The following PLCH1 variants were observed in gnomAD, a reference collection of about 807,000 sequenced individuals.
PLCH1 encodes 1-phosphatidylinositol 4,5-bisphosphate phosphodiesterase eta-1.
PLCH1 carries 60 observed loss-of-function variants against 126.7 expected under a neutral mutation model. The ratio of observed to expected loss-of-function variants is 0.47; its 90% CI spans 0.38 to 0.59. The LOEUF (loss-of-function observed/expected upper bound fraction) is 0.59, where lower values mean the gene tolerates loss of function less well. Ranked by LOEUF, PLCH1 falls within the 20% of genes least tolerant of loss-of-function variation. The probability of loss-of-function intolerance (pLI) is 0.00; values close to 1 mark genes in which losing one functional copy is unlikely to be tolerated. For missense variants in PLCH1, 1,723 were observed against 2,040.0 expected (o/e 0.84, Z 2.99); for synonymous variants, 719 against 734.9 (o/e 0.98, Z 0.35).
Position 155,526,369 on chromosome 3 carries a change from A to G in PLCH1, c.1363-2365T>C, listed in dbSNP as rs543265080. Among the ~76,000 whole-genome samples, 6 of 148,816 alleles carry G rather than the reference A, an allele frequency of 4.0e-5. No individual in the cohort carries two copies. In the East Asian group the frequency reaches 1.2e-3, roughly 30 times the overall value. On this transcript the variant is annotated intron_variant, in intron 10 of 22. Coordinates refer to ENST00000460012, the MANE Select transcript of PLCH1 (RefSeq NM_014996.4). ...TCTCCAAACTTCTCTCCTTTCCTGG[A>G]GCTCTCTCTCTCTCTCTCTCTTCTT...
chr3:155,495,602 C>T (rs778402440), intron 15 of PLCH1, among the ~76,000 whole-genome samples: 6 of 152,178 alleles, frequency 3.9e-5, no homozygotes, highest in Non-Finnish European at 7.3e-5. Context: ...TATATGGTCT[C>T]GCTTTGCCAG....
At chr3:155,713,229 C>A (rs1022347272) in intron 1 of PLCH1, among the ~76,000 whole-genome samples, 1 of 152,080 alleles carries the variant, frequency 6.6e-6, no homozygotes, top group Admixed American at 6.6e-5. Flanking sequence ...CCCACATCCA[C>A]CATTCACCCC....
chr3:155,723,453 A>T (rs982990012), intron 1 of PLCH1, among the ~76,000 whole-genome samples: 1 of 149,908 alleles, frequency 6.7e-6, no homozygotes, highest in Admixed American at 6.6e-5. Flanking sequence ...GATCTTCATT[A>T]TTCCTTTTCT....
intron 8 of PLCH1, among the ~76,000 whole-genome samples, chr3:155,560,046 T>A (rs1378326870): frequency 6.6e-6 from 1 of 152,218 alleles, no homozygotes; most frequent in Non-Finnish European, 1.5e-5. Flanking sequence ...GGTAGGATAC[T>A]GATTTTGGAC....
At position 155,637,991 on chromosome 3, in the gene PLCH1, C is replaced by T. The variant is rs150481295; in HGVS notation, c.80-41613G>A. Among the ~76,000 whole-genome samples the T allele has an allele frequency of 6.5e-3, 989 of 152,324 alleles. 16 individuals are homozygous for T. The highest frequency in any genetic ancestry group is 0.022 in the African/African-American group (935 of 41,572). On this transcript the variant is annotated intron_variant, in intron 2 of 22. Transcript: ENST00000460012. ...TCAACAGTTAGGAAGACAGTTTGCA[C>T]ACGATCTGCACATGTTTACCGTCAA...
At chr3:155,716,984 G>A (rs900587277) in intron 1 of PLCH1, among the ~76,000 whole-genome samples, 1 of 152,192 alleles carries the variant, frequency 6.6e-6, no homozygotes. Context: ...AAGTTACAGG[G>A]GTGGTACCAG....
intron 15 of PLCH1, among the ~76,000 whole-genome samples, chr3:155,495,390 G>A (rs899661371): frequency 6.6e-6 from 1 of 152,078 alleles, no homozygotes; most frequent in African/African-American, 2.4e-5. Context: ...CAAAGCCCCC[G>A]CTATTTCCAC....
Position 155,640,947 on chromosome 3 carries a change from C to T in PLCH1, c.80-44569G>A, listed in dbSNP as rs568162691. Among the ~76,000 whole-genome samples the T allele has an allele frequency of 2.0e-5, 3 of 152,272 alleles. No homozygotes were observed. In the East Asian group the frequency reaches 5.8e-4, roughly 29 times the overall value. ...TTCAACGAACGAATTCATAACATAA[C>T]ATTTGTGGTAGCAGATATTTTGCTA... On this transcript the variant is annotated intron_variant, in intron 2 of 22. Transcript: ENST00000460012.
At chr3:155,525,316 G>A (rs1055762052) in intron 10 of PLCH1, among the ~76,000 whole-genome samples, 1 of 152,090 alleles carries the variant, frequency 6.6e-6, no homozygotes, top group Non-Finnish European at 1.5e-5. Flanking sequence ...TGAGGCATTT[G>A]GGAAGTGATT....
chr3:155,542,820 T>C (rs1724552003), intron 10 of PLCH1, among the ~76,000 whole-genome samples: 1 of 152,146 alleles, frequency 6.6e-6, no homozygotes, highest in African/African-American at 2.4e-5. Context: ...GACCTGCAGC[T>C]GAGGGTCCTG....
rs533525218 is a variant in PLCH1 at position 155,596,467 on chromosome 3, T to C, written c.80-89A>G. On this transcript the variant is annotated intron_variant, in intron 2 of 22. Coordinates refer to ENST00000460012, the MANE Select transcript of PLCH1 (RefSeq NM_014996.4). ...TTTAGAGTCAAATAAAACCTCTGAT[T>C]CACCTGCAAAGACTCCAAGGACCAG... 5 of 1,109,220 alleles carry C rather than the reference T, an allele frequency of 4.5e-6. No homozygotes were observed. In the East Asian group the frequency reaches 1.0e-4, roughly 23 times the overall value. 68.7% of individuals were successfully genotyped at this position (1,109,220 alleles called of 1,614,324 possible). A position where few individuals can be genotyped will look rare whatever the true frequency, so the allele number is the denominator to read the frequency against.
chr3:155,487,174 T>C (rs1052702227), intron 21 of PLCH1: 3 of 152,246 alleles, frequency 2.0e-5, no homozygotes, highest in Admixed American at 1.3e-4. Context: ...ATAACATTAA[T>C]ATTAGCCAAC....
chr3:155,530,598 C>T (rs1250108932), intron 10 of PLCH1, among the ~76,000 whole-genome samples: 2 of 119,834 alleles, frequency 1.7e-5, no homozygotes, highest in Non-Finnish European at 3.7e-5. Context: ...TTCTAGTTCT[C>T]TTGTTATTTC....
chr3:155,733,955 A>G (rs941494665), intron 1 of PLCH1, among the ~76,000 whole-genome samples: 41 of 96,140 alleles, frequency 4.3e-4, no homozygotes, highest in African/African-American at 1.5e-3. Flanking sequence ...ATATATATAT[A>G]TATATATATA....
At chr3:155,512,892 T>C (rs1172760966) in intron 12 of PLCH1, among the ~76,000 whole-genome samples, 2 of 152,212 alleles carry the variant, frequency 1.3e-5, no homozygotes, top group Admixed American at 6.5e-5. Context: ...AGCTGAGAGC[T>C]TAGGAACTTG....
At chr3:155,590,406 G>A (rs897594709) in intron 4 of PLCH1, among the ~76,000 whole-genome samples, 2 of 151,992 alleles carry the variant, frequency 1.3e-5, no homozygotes, top group Non-Finnish European at 2.9e-5. Context: ...GTGAAACCCC[G>A]TCTCTACTAA....
At chr3:155,662,296 A>AC (rs1486474055) in intron 2 of PLCH1, among the ~76,000 whole-genome samples, 2 of 151,926 alleles carry the variant, frequency 1.3e-5, no homozygotes, top group Non-Finnish European at 2.9e-5. Flanking sequence ...GCACACACAC[A>AC]AAAAAAATAT....
chr3:155,460,795 TAGATAG>T (rs1712689017), intron 21 of PLCH1, among the ~76,000 whole-genome samples: 1 of 72,470 alleles, frequency 1.4e-5, no homozygotes, highest in Admixed American at 1.5e-4. Flanking sequence ...AGAAGATAGA[TAGATAG>T]ATAGATAGAT....
At chr3:155,546,332 G>A (rs1018333134) in intron 10 of PLCH1, among the ~76,000 whole-genome samples, 18 of 152,042 alleles carry the variant, frequency 1.2e-4, no homozygotes, top group Admixed American at 1.0e-3. Flanking sequence ...AACTTACAAG[G>A]GACATGAAAG....
Sources: allele counts gnomAD v4.1 joint callset (sites outside exome capture counted in the v4.1 genomes callset), GRCh38; gene constraint gnomAD v4.1.1; transcripts MANE v1.5; gene names NCBI Gene and HGNC (gene_info 2026-07-23, HGNC 2026-07-21).